BCAS3: variants seen among roughly 807,000 people sequenced by gnomAD.
BCAS3 encodes the protein BCAS4/BCAS3 fusion.
In BCAS3, 53 loss-of-function variants were observed where a neutral mutation model predicts 116.1. That is an observed-to-expected ratio of 0.46 (90% CI 0.37 to 0.57). The LOEUF (loss-of-function observed/expected upper bound fraction) is 0.57, where lower values mean the gene tolerates loss of function less well. BCAS3 is among the 20% of genes least tolerant of loss of function. BCAS3 has a pLI of 0.00. For missense variants in BCAS3, 917 were observed against 1,165.4 expected (o/e 0.79, Z 3.10); for synonymous variants, 391 against 408.2 (o/e 0.96, Z 0.51).
At chr17:60,902,581 A>G (rs777627071) in intron 10 of BCAS3, 39 bp from the exon 11 acceptor site, 1 of 1,491,904 alleles carries the variant, frequency 6.7e-7, no homozygotes, top group East Asian at 2.3e-5. Flanking sequence ...ACAGATTAAT[A>G]GAAATGACGT....
chr17:61,301,445 A>C (rs1359845923), intron 22 of BCAS3, among the ~76,000 whole-genome samples: 1 of 152,160 alleles, frequency 6.6e-6, no homozygotes, highest in Non-Finnish European at 1.5e-5. Flanking sequence ...CAGCCGGGCC[A>C]ACATACTGAA....
At chr17:60,712,780 A>C (rs1174044405) in intron 5 of BCAS3, among the ~76,000 whole-genome samples, 1 of 152,228 alleles carries the variant, frequency 6.6e-6, no homozygotes, top group Non-Finnish European at 1.5e-5. Context: ...GACTCAAAGA[A>C]GGGCCAAATG....
At chr17:60,921,569 C>T (rs1253824025) in intron 12 of BCAS3, among the ~76,000 whole-genome samples, 4 of 148,104 alleles carry the variant, frequency 2.7e-5, no homozygotes, top group East Asian at 2.0e-4. Context: ...GCCGAGATCC[C>T]GCCACTGCAC....
chr17:61,290,168 C>T (rs1269230090), intron 22 of BCAS3, among the ~76,000 whole-genome samples: 1 of 152,198 alleles, frequency 6.6e-6, no homozygotes, highest in Non-Finnish European at 1.5e-5. Flanking sequence ...AAGCTTATCT[C>T]CTTCATCTGA....
At chr17:60,910,732 G>T (rs1197398776) in intron 12 of BCAS3, 30 bp downstream of exon 12, 1 of 1,551,856 alleles carries the variant, frequency 6.4e-7, no homozygotes, top group South Asian at 1.2e-5. Flanking sequence ...CGTACCATGT[G>T]TGTTACTTGC....
At position 61,132,256 on chromosome 17, in the gene BCAS3, G is replaced by A. The variant is rs567367159; in HGVS notation, c.2425+47692G>A. On this transcript the variant is annotated intron_variant, in intron 22 of 23. Transcript: ENST00000407086. This position sits in a 1 kb window ranked among gnomAD's most constrained non-coding sequence, Gnocchi z 5.1. ...TGCCAGCAGAAAAAAACAAATTCCT[G>A]TTCACTTGGTAATTTTAAACACAAC... Among the ~76,000 whole-genome samples, 2 of 152,096 alleles carry A rather than the reference G, an allele frequency of 1.3e-5. No individual in the cohort carries two copies. Among genetic ancestry groups the A allele is most frequent in the African/African-American group, 4.8e-5 (2 of 41,410 alleles).
chr17:61,223,610 AT>A (rs1273575040), intron 22 of BCAS3, among the ~76,000 whole-genome samples: 1 of 152,170 alleles, frequency 6.6e-6, no homozygotes, highest in Non-Finnish European at 1.5e-5. Context: ...TTCCTATTTA[AT>A]ATACTACCTG....
At position 61,063,549 on chromosome 17, in the gene BCAS3, G is replaced by T. The variant is rs1434873675; in HGVS notation, c.2030-11371G>T. Among the ~76,000 whole-genome samples the T allele has an allele frequency of 6.6e-6, 1 of 152,148 alleles. No individual in the cohort carries two copies. Among genetic ancestry groups the T allele is most frequent in the Non-Finnish European group, 1.5e-5 (1 of 68,020 alleles). On this transcript the variant is annotated intron_variant, in intron 19 of 23. Coordinates refer to ENST00000407086, the MANE Select transcript of BCAS3 (RefSeq NM_017679.5). This position sits in a 1 kb window ranked among gnomAD's most constrained non-coding sequence, Gnocchi z 5.3. ...CCCAAAGTGCTGGGATTACAGGCAT[G>T]AGCCACCATGCCCGGCCTCCTGTTA...
chr17:60,927,346 C>A (rs1016343746), intron 13 of BCAS3, among the ~76,000 whole-genome samples: 3 of 152,006 alleles, frequency 2.0e-5, no homozygotes, highest in Non-Finnish European at 4.4e-5. Flanking sequence ...ACCTCCGCCT[C>A]CCAGGTTCAA....
At position 61,140,584 on chromosome 17, in the gene BCAS3, CTTT is replaced by C. The variant is rs879500255; in HGVS notation, c.2425+56031_2425+56033del. 6.8e-6 allele frequency among the ~76,000 whole-genome samples: 1 copy of C among 146,370 alleles called. No individual in the cohort carries two copies. On this transcript the variant is annotated intron_variant, in intron 22 of 23. Coordinates refer to ENST00000407086, the MANE Select transcript of BCAS3 (RefSeq NM_017679.5). The surrounding 1 kb of genome is among the most constrained non-coding windows in gnomAD (Gnocchi z 4.2). Reference sequence around the variant, plus strand: ...CACATAAAAGTTGCTTATCTCTCCACTTTTTTTTTTTTTCTGGAGAAACAGCAC... The same window carrying C: ...CACATAAAAGTTGCTTATCTCTCCACTTTTTTTTTTCTGGAGAAACAGCAC...
chr17:60,790,045 C>T (rs2046625099), intron 6 of BCAS3, among the ~76,000 whole-genome samples: 1 of 151,940 alleles, frequency 6.6e-6, no homozygotes, highest in Non-Finnish European at 1.5e-5. Flanking sequence ...CTTGCATGGA[C>T]TTTCTAGTAA....
At chr17:60,766,724 T>C (rs904638851) in intron 6 of BCAS3, among the ~76,000 whole-genome samples, 1 of 152,352 alleles carries the variant, frequency 6.6e-6, no homozygotes, top group African/African-American at 2.4e-5. Context: ...CACTGCTCTC[T>C]TGAGAGCTGT....
rs1196728725 is a variant in BCAS3 at position 61,139,456 on chromosome 17, A to C, written c.2425+54892A>C. ...CAGTCTGTCGAGAGAGCATGGCTGC[A>C]CCCTGTGCATTCTGGGCACACATCA... On this transcript the variant is annotated intron_variant, in intron 22 of 23. Transcript: ENST00000407086. The surrounding 1 kb of genome is among the most constrained non-coding windows in gnomAD (Gnocchi z 4.7). Among the ~76,000 whole-genome samples the C allele has an allele frequency of 6.6e-6, 1 of 152,142 alleles. No homozygotes were observed. Among genetic ancestry groups the C allele is most frequent in the Non-Finnish European group, 1.5e-5 (1 of 68,032 alleles).
chr17:61,329,251 C>T (rs975899258), intron 22 of BCAS3, among the ~76,000 whole-genome samples: 5 of 151,902 alleles, frequency 3.3e-5, no homozygotes, highest in African/African-American at 1.2e-4. Flanking sequence ...CCAAATGTGC[C>T]CCACCGCCAA....
intron 10 of BCAS3, among the ~76,000 whole-genome samples, chr17:60,893,813 T>C (rs1050757691): frequency 4.6e-5 from 7 of 152,048 alleles, no homozygotes; most frequent in African/African-American, 1.4e-4. Context: ...TTTATCATGT[T>C]GGCCAGGCTG....
intron 6 of BCAS3, among the ~76,000 whole-genome samples, chr17:60,805,110 TATAA>T (rs906309495): frequency 2.0e-4 from 31 of 151,940 alleles, no homozygotes; most frequent in African/African-American, 7.5e-4. Context: ...GTTATCGTTA[TATAA>T]ATAACATATT....
At chr17:60,691,501 G>C (rs1338226622) in intron 4 of BCAS3, among the ~76,000 whole-genome samples, 1 of 152,036 alleles carries the variant, frequency 6.6e-6, no homozygotes, top group Non-Finnish European at 1.5e-5. Flanking sequence ...GTAATGTTTA[G>C]CATCTTTTTA....
intron 22 of BCAS3, among the ~76,000 whole-genome samples, chr17:61,091,460 G>C (rs539462869): frequency 2.6e-5 from 4 of 152,318 alleles, no homozygotes; most frequent in South Asian, 4.2e-4. Flanking sequence ...ATTTGTCTTA[G>C]TGACATGAGT....
intron 6 of BCAS3, among the ~76,000 whole-genome samples, chr17:60,763,733 C>T (rs1781852134): frequency 6.6e-6 from 1 of 152,148 alleles, no homozygotes. Flanking sequence ...GGAGGGTTCC[C>T]TCTTTTTCTA....
Sources: allele counts gnomAD v4.1 joint callset (sites outside exome capture counted in the v4.1 genomes callset), GRCh38; gene constraint gnomAD v4.1.1; non-coding constraint Gnocchi (gnomAD v3.1); transcripts MANE v1.5; gene names NCBI Gene and HGNC (gene_info 2026-07-23, HGNC 2026-07-21).